Variants in NALF1 observed in about 807,000 individuals in gnomAD.
The protein encoded by NALF1 is NALCN channel auxiliary factor 1, also known as family with sequence similarity 155 member A.
Under a neutral mutation model 48.4 loss-of-function variants are expected in NALF1, and 3 were observed. The observed-to-expected ratio is 0.06, with a 90% confidence interval of 0.03 to 0.16. The LOEUF is 0.16. NALF1 is among the 10% of genes least tolerant of loss of function. NALF1 has a pLI of 1.00. For missense variants in NALF1, 526 were observed against 571.5 expected, an observed-to-expected ratio of 0.92 and a Z score of 0.81; for synonymous variants, 262 against 245.7, an observed-to-expected ratio of 1.07 and a Z score of -0.62.
At chr13:107,172,885 C>T (rs1332059647) in intron 2 of NALF1, among the ~76,000 whole-genome samples, 1 of 151,856 alleles carries the variant, frequency 6.6e-6, no homozygotes, top group African/African-American at 2.4e-5. Context: ...CTACAGTCAT[C>T]GCAGAAAAAA....
chr13:107,279,045 T>TCTTC lies in NALF1; in HGVS notation c.916-68291_916-68290insGAAG, dbSNP rs1286350453. Among the ~76,000 whole-genome samples, 7 of 133,332 alleles carry TCTTC rather than the reference T, an allele frequency of 5.3e-5. No homozygotes were observed. The East Asian group carries it at 2.9e-3, about 56-fold the overall frequency. The allele number at this position is 133,332 out of a possible 152,430, so 87.5% of individuals were successfully genotyped here. ...CTTTCCTTTTCTTTTCTTTTCTTCTTTTTTTTTTTTTTTTTTGCACAAATT... is the reference window on the plus strand; with the variant it reads ...CTTTCCTTTTCTTTTCTTTTCTTCTTCTTCTTTTTTTTTTTTTTTTGCACAAATT... On this transcript the variant is annotated intron_variant, in intron 1 of 2. Coordinates refer to ENST00000375915, the MANE Select transcript of NALF1 (RefSeq NM_001080396.3).
chr13:107,645,952 C>T (rs115432977), intron 1 of NALF1, among the ~76,000 whole-genome samples: 1,921 of 152,216 alleles, frequency 0.013, 38 homozygotes, highest in African/African-American at 0.044. Context: ...TCTTGGTAGC[C>T]ACTCTCAACC....
Position 107,802,755 on chromosome 13 carries a change from C to T in NALF1, c.915+62927G>A, listed in dbSNP as rs371506209. ...GTTAGGGTGTAGAAGGATAACTGAA[C>T]GAATAAATAAAAATTGCTGAACGTG... On this transcript the variant is annotated intron_variant, in intron 1 of 2. Transcript: ENST00000375915. Among the ~76,000 whole-genome samples, 31 of 151,674 alleles carry T rather than the reference C, an allele frequency of 2.0e-4. No individual in the cohort carries two copies. In the South Asian group the frequency reaches 5.8e-3, roughly 29 times the overall value.
At chr13:107,355,116 T>C (rs1052550482) in intron 1 of NALF1, among the ~76,000 whole-genome samples, 4 of 152,146 alleles carry the variant, frequency 2.6e-5, no homozygotes, top group African/African-American at 4.8e-5. Context: ...GCCCAGTCTT[T>C]GGGCCGGTTG....
At chr13:107,565,580 T>C (rs1877789116) in intron 1 of NALF1, among the ~76,000 whole-genome samples, 1 of 152,090 alleles carries the variant, frequency 6.6e-6, no homozygotes, top group African/African-American at 2.4e-5. Flanking sequence ...AATAACCTCT[T>C]TTCTAGGCCT....
intron 1 of NALF1, among the ~76,000 whole-genome samples, chr13:107,856,064 C>G (rs1880434805): frequency 6.6e-6 from 1 of 152,052 alleles, no homozygotes; most frequent in Non-Finnish European, 1.5e-5. Flanking sequence ...CCACCATGCC[C>G]GGCTAATTTT....
intron 1 of NALF1, among the ~76,000 whole-genome samples, chr13:107,596,906 T>C (rs1009216657): frequency 5.3e-5 from 8 of 152,198 alleles, no homozygotes; most frequent in African/African-American, 1.7e-4. Flanking sequence ...GTTATACTTA[T>C]TTAGAGAAAG....
At chr13:107,810,980 TATTA>T (rs1223505701) in intron 1 of NALF1, among the ~76,000 whole-genome samples, 1 of 152,166 alleles carries the variant, frequency 6.6e-6, no homozygotes, top group African/African-American at 2.4e-5. Flanking sequence ...ATTATGTATA[TATTA>T]TTCATAAATT....
At chr13:107,280,907 G>C (rs1405883681) in intron 1 of NALF1, among the ~76,000 whole-genome samples, 2 of 152,196 alleles carry the variant, frequency 1.3e-5, no homozygotes. Context: ...TGATCAAAAA[G>C]AGAAAGTTGT....
intron 2 of NALF1, among the ~76,000 whole-genome samples, chr13:107,178,215 A>T (rs1187760064): frequency 2.6e-5 from 4 of 152,234 alleles, no homozygotes; most frequent in Admixed American, 2.6e-4. Flanking sequence ...GATCACACCA[A>T]GTTAAAACGT....
chr13:107,506,393 T>C (rs979356119), intron 1 of NALF1, among the ~76,000 whole-genome samples: 1 of 152,108 alleles, frequency 6.6e-6, no homozygotes, highest in Non-Finnish European at 1.5e-5. Flanking sequence ...TTAAAATAAA[T>C]AGCATAATTG....
chr13:107,385,812 C>T (rs1883521425), intron 1 of NALF1, among the ~76,000 whole-genome samples: 1 of 152,116 alleles, frequency 6.6e-6, no homozygotes, highest in Non-Finnish European at 1.5e-5. Flanking sequence ...ATAGAAAGTG[C>T]TATTTCATAG....
At position 107,222,572 on chromosome 13, in the gene NALF1, TTAGG is replaced by T. The variant is rs542239958; in HGVS notation, c.916-11821_916-11818del. ...CATGTCCTGTGTGTGTTCGCCCCGC[TTAGG>T]AGAAGCCCGACTGAAGTTAAACAGC... On this transcript the variant is annotated intron_variant, in intron 1 of 2. Coordinates refer to ENST00000375915, the MANE Select transcript of NALF1 (RefSeq NM_001080396.3). 2.6e-5 allele frequency among the ~76,000 whole-genome samples: 4 copies of T among 152,224 alleles called. No individual in the cohort carries two copies. The South Asian group carries it at 8.3e-4, about 32-fold the overall frequency.
intron 1 of NALF1, among the ~76,000 whole-genome samples, chr13:107,277,899 C>A (rs1881312195): frequency 6.6e-6 from 1 of 152,208 alleles, no homozygotes; most frequent in Non-Finnish European, 1.5e-5. Flanking sequence ...TTGTTCTGTC[C>A]TGCGTTCTCC....
chr13:107,494,825 T>C (rs370758929), intron 1 of NALF1, among the ~76,000 whole-genome samples: 6 of 152,220 alleles, frequency 3.9e-5, no homozygotes, highest in African/African-American at 1.4e-4. Context: ...ATACAACCAA[T>C]TGGATTAGGG....
intron 1 of NALF1, among the ~76,000 whole-genome samples, chr13:107,577,441 A>T (rs768639644): frequency 7.9e-5 from 12 of 151,910 alleles, no homozygotes; most frequent in Non-Finnish European, 1.5e-4. Context: ...GGAAGAAAGG[A>T]ACATAGGTTT....
At chr13:107,488,126 C>A (rs1437257463) in intron 1 of NALF1, among the ~76,000 whole-genome samples, 9 of 151,218 alleles carry the variant, frequency 6.0e-5, no homozygotes, top group African/African-American at 1.9e-4. Context: ...TCCCCCTTAT[C>A]ATTTCTGATG....
intron 1 of NALF1, among the ~76,000 whole-genome samples, chr13:107,254,512 C>T (rs989625729): frequency 6.6e-6 from 1 of 152,146 alleles, no homozygotes; most frequent in Admixed American, 6.5e-5. Context: ...CCACAAAGCA[C>T]TCTTGGAGTG....
At chr13:107,861,869 C>A (rs1880579608) in intron 1 of NALF1, among the ~76,000 whole-genome samples, 2 of 152,042 alleles carry the variant, frequency 1.3e-5, no homozygotes, top group South Asian at 4.1e-4. Context: ...ATTATGTAAC[C>A]AAACTCTATG....
Sources: gnomAD v4.1 joint callset for allele counts (sites outside exome capture counted in the v4.1 genomes callset) on GRCh38, gnomAD v4.1.1 for gene constraint, MANE v1.5 for transcripts, NCBI Gene and HGNC (gene_info 2026-07-23, HGNC 2026-07-21) for gene names.